The following GALNTL6 variants were observed in gnomAD, a reference collection of about 807,000 sequenced individuals.
GALNTL6 encodes the protein polypeptide N-acetylgalactosaminyltransferase like 6.
GALNTL6 carries 46 observed loss-of-function variants against 73.7 expected under a neutral mutation model. The observed-to-expected ratio is 0.62, with a 90% confidence interval of 0.49 to 0.80. The LOEUF is 0.80. Ranked by LOEUF, GALNTL6 falls within the 30% of genes least tolerant of loss-of-function variation. The probability of loss-of-function intolerance (pLI) is 0.00; values close to 1 mark genes in which losing one functional copy is unlikely to be tolerated. For synonymous variants in GALNTL6, 259 were observed against 263.7 expected (o/e 0.98, Z 0.17); for missense variants, 604 against 755.0 (o/e 0.80, Z 2.34).
chr4:172,208,581 G>C (rs142223605), intron 2 of GALNTL6, among the ~76,000 whole-genome samples: 1 of 152,004 alleles, frequency 6.6e-6, no homozygotes, highest in Admixed American at 6.6e-5. Context: ...TAAATACTCC[G>C]CAAAGCTGGG....
At chr4:172,914,260 G>T (rs1481185687) in intron 8 of GALNTL6, among the ~76,000 whole-genome samples, 1 of 152,134 alleles carries the variant, frequency 6.6e-6, no homozygotes, top group East Asian at 1.9e-4. Flanking sequence ...ACTAAACATG[G>T]AAAGGAACAA....
At chr4:172,233,150 C>CT (rs1737127702) in intron 3 of GALNTL6, among the ~76,000 whole-genome samples, 1 of 147,456 alleles carries the variant, frequency 6.8e-6, no homozygotes, top group South Asian at 2.1e-4. Flanking sequence ...GGGAGGATCG[C>CT]TTGAGCCCAG....
intron 2 of GALNTL6, among the ~76,000 whole-genome samples, chr4:171,928,053 G>C (rs1157126932): frequency 6.6e-6 from 1 of 152,022 alleles, no homozygotes; most frequent in Non-Finnish European, 1.5e-5. Flanking sequence ...AATATTTGTT[G>C]AAAAACTGAA....
At chr4:172,197,774 A>AT (rs1240683507) in intron 2 of GALNTL6, among the ~76,000 whole-genome samples, 1 of 152,174 alleles carries the variant, frequency 6.6e-6, no homozygotes, top group African/African-American at 2.4e-5. Flanking sequence ...CTTACACCTT[A>AT]TAAAAAAATT....
At chr4:172,269,388 C>T (rs918969421) in intron 3 of GALNTL6, among the ~76,000 whole-genome samples, 6 of 152,166 alleles carry the variant, frequency 3.9e-5, no homozygotes, top group African/African-American at 1.4e-4. Flanking sequence ...AAAAGCACTG[C>T]ACTTCTGCAC....
intron 2 of GALNTL6, among the ~76,000 whole-genome samples, chr4:172,037,578 CTG>C (rs1162950479): frequency 1.3e-5 from 2 of 152,138 alleles, no homozygotes; most frequent in African/African-American, 4.8e-5. Context: ...CTTAACAATT[CTG>C]TCTGTGCCCT....
chr4:172,072,425 T>C (rs907060156), intron 2 of GALNTL6, among the ~76,000 whole-genome samples: 20 of 152,152 alleles, frequency 1.3e-4, no homozygotes, highest in Admixed American at 1.3e-3. Flanking sequence ...TTCATATGCA[T>C]TCTTTATGCT....
At chr4:172,634,981 A>G (rs1739597931) in intron 5 of GALNTL6, among the ~76,000 whole-genome samples, 1 of 152,174 alleles carries the variant, frequency 6.6e-6, no homozygotes, top group African/African-American at 2.4e-5. Flanking sequence ...GACAGATTTG[A>G]TGGCTTACAT....
chr4:172,611,877 A>G (rs1204764185), intron 5 of GALNTL6, among the ~76,000 whole-genome samples: 1 of 152,094 alleles, frequency 6.6e-6, no homozygotes, highest in Non-Finnish European at 1.5e-5. Flanking sequence ...GTTCATATTA[A>G]TGCCTCATGA....
chr4:172,754,470 G>A (rs530318924), intron 5 of GALNTL6, among the ~76,000 whole-genome samples: 10 of 152,110 alleles, frequency 6.6e-5, no homozygotes, highest in Non-Finnish European at 1.0e-4. Context: ...TACTGAGGAG[G>A]CTGAGGCAGG....
intron 2 of GALNTL6, among the ~76,000 whole-genome samples, chr4:171,880,529 C>T (rs1736418441): frequency 6.6e-6 from 1 of 152,116 alleles, no homozygotes. Flanking sequence ...GTAGGGAAGC[C>T]AATTAACTGG....
chr4:172,156,539 TAA>T lies in GALNTL6; in HGVS notation c.139-73116_139-73115del, dbSNP rs1491526934. On this transcript the variant is annotated intron_variant, in intron 2 of 12. Transcript: ENST00000506823. ...TTGACTTTAAATATACATATATATA[TAA>T]TATATATATATATATATATATATAT... Among the ~76,000 whole-genome samples, 98 of 47,700 alleles carry T rather than the reference TAA, an allele frequency of 2.1e-3. 1 individual carries two copies. Among genetic ancestry groups the T allele is most frequent in the South Asian group, 5.2e-3 (7 of 1,344 alleles). 31.3% of individuals were successfully genotyped at this position (47,700 alleles called of 152,430 possible).
chr4:171,814,898 C>T (rs1465075346), intron 2 of GALNTL6, 180 bp downstream of exon 2: 25 of 614,676 alleles, frequency 4.1e-5, no homozygotes, highest in Non-Finnish European at 6.6e-5. Context: ...AGATTGCAGC[C>T]AGTAACATCG....
chr4:172,066,488 G>C (rs1566949), intron 2 of GALNTL6, among the ~76,000 whole-genome samples: 146,043 of 151,688 alleles, frequency 0.96, 70,549 homozygotes, highest in East Asian at 1. Flanking sequence ...TGAGGCTATA[G>C]TGTAGCTTAT....
chr4:173,019,266 T>C (rs1356229414), intron 11 of GALNTL6, among the ~76,000 whole-genome samples: 2 of 152,194 alleles, frequency 1.3e-5, no homozygotes, highest in Non-Finnish European at 2.9e-5. Flanking sequence ...CCATGGGACA[T>C]GCAGCTGGGA....
At chr4:172,635,191 AGAAATATCTTG>A (rs1475750456) in intron 5 of GALNTL6, among the ~76,000 whole-genome samples, 1 of 152,170 alleles carries the variant, frequency 6.6e-6, no homozygotes, top group Non-Finnish European at 1.5e-5. Context: ...CCTATCTTAA[AGAAATATCTTG>A]GATGTTTGAG....
At chr4:172,909,222 T>A (rs1482329071) in intron 8 of GALNTL6, among the ~76,000 whole-genome samples, 1 of 150,634 alleles carries the variant, frequency 6.6e-6, no homozygotes, top group Non-Finnish European at 1.5e-5. Context: ...AGAAGACAAA[T>A]CATTTTAAGC....
intron 2 of GALNTL6, among the ~76,000 whole-genome samples, chr4:172,013,255 A>G (rs1741077521): frequency 6.6e-6 from 1 of 152,062 alleles, no homozygotes; most frequent in South Asian, 2.1e-4. Flanking sequence ...TCCTAGTGCT[A>G]TGAAACACTG....
At chr4:171,953,632 A>G (rs1019852330) in intron 2 of GALNTL6, among the ~76,000 whole-genome samples, 2 of 152,154 alleles carry the variant, frequency 1.3e-5, no homozygotes, top group African/African-American at 4.8e-5. Context: ...TAGTTTTGGA[A>G]AGAATCTCCT....
Sources: allele counts gnomAD v4.1 joint callset (sites outside exome capture counted in the v4.1 genomes callset), GRCh38; gene constraint gnomAD v4.1.1; transcripts MANE v1.5; gene names NCBI Gene and HGNC (gene_info 2026-07-23, HGNC 2026-07-21).